The following MTUS2 variants were observed in gnomAD, a reference collection of about 807,000 sequenced individuals.
MTUS2 encodes microtubule-associated tumor suppressor candidate 2.
A neutral mutation model predicts 114.1 loss-of-function variants in MTUS2; 40 were observed. The observed-to-expected ratio is 0.35, with a 90% confidence interval of 0.27 to 0.46. MTUS2 has a LOEUF of 0.46. Ranked by LOEUF, MTUS2 falls within the 20% of genes least tolerant of loss-of-function variation. The probability of loss-of-function intolerance (pLI) is 1.00; values close to 1 mark genes in which losing one functional copy is unlikely to be tolerated. For missense variants in MTUS2, 1,679 were observed against 1,705.4 expected (o/e 0.98, Z 0.27); for synonymous variants, 688 against 672.0 (o/e 1.02, Z -0.37).
chr13:29,135,287 C>T (rs544732401), intron 5 of MTUS2, among the ~76,000 whole-genome samples: 261 of 152,266 alleles, frequency 1.7e-3, no homozygotes, highest in African/African-American at 6.0e-3. Context: ...CTATAATGTC[C>T]TTCTTTGTCT....
At chr13:29,388,419 C>T (rs1872780492) in intron 8 of MTUS2, among the ~76,000 whole-genome samples, 1 of 151,064 alleles carries the variant, frequency 6.6e-6, no homozygotes, top group Non-Finnish European at 1.5e-5. Context: ...AAAGTAGCAT[C>T]TAGTTGCCCT....
rs1215532607 is a variant in MTUS2, at chr13:28,885,392, T to C, written c.-243+45542T>C. ...GATTGTCAACATTTATGGAAACCTG[T>C]TCTGCAACTACTGTTGTACTTTTAT... On this transcript the variant is annotated intron_variant, in intron 2 of 15. Coordinates refer to ENST00000612955, the MANE Select transcript of MTUS2 (RefSeq NM_001033602.4). Among the ~76,000 whole-genome samples the C allele has an allele frequency of 2.6e-5, 4 of 152,298 alleles. No individual in the cohort carries two copies. In the South Asian group the frequency reaches 8.3e-4, roughly 32 times the overall value.
chr13:29,157,133 C>T lies in MTUS2; in HGVS notation c.2644+56163C>T, dbSNP rs555564501. ...CATTCTCTGCCATGCTCGTGGGTAT[C>T]TCGGTTTGTTTCCAATGTGGAACTA... On this transcript the variant is annotated intron_variant, in intron 5 of 15. Transcript: ENST00000612955. 5.9e-4 allele frequency among the ~76,000 whole-genome samples: 90 copies of T among 152,298 alleles called. 1 individual carries two copies. The South Asian group carries it at 6.4e-3, about 11-fold the overall frequency.
chr13:28,971,281 G>GC (rs1253172536), intron 2 of MTUS2, among the ~76,000 whole-genome samples: 4 of 152,158 alleles, frequency 2.6e-5, no homozygotes, highest in Non-Finnish European at 5.9e-5. Flanking sequence ...GTGACTTAAA[G>GC]CCAGCTATAT....
At chr13:28,930,843 C>T (rs759101821) in intron 2 of MTUS2, among the ~76,000 whole-genome samples, 14 of 152,096 alleles carry the variant, frequency 9.2e-5, no homozygotes, top group Admixed American at 5.9e-4. Flanking sequence ...AGAGCTGTTA[C>T]GTATAGGATT....
Position 29,498,423 on chromosome 13 carries a change from A to G in MTUS2, c.3684A>G (p.Ala1228=). Residue 1228 remains alanine, a synonymous_variant, in exon 14 of 16, where the codon GCA becomes GCG. Coordinates refer to ENST00000612955, the MANE Select transcript of MTUS2 (RefSeq NM_001033602.4). The part of the protein sequence containing the change: ...RKNTEEQLEI[A]LAPYQHLEED... ...ATGGCTCTCTGCCTCTGTAGATTGC[A>G]TTGGCTCCTTATCAGCACTTGGAAG... 6.2e-7 allele frequency: 1 copy of G among 1,614,116 alleles called. No homozygotes were observed. The highest frequency in any genetic ancestry group is 8.5e-7 in the Non-Finnish European group (1 of 1,179,996).
intron 5 of MTUS2, among the ~76,000 whole-genome samples, chr13:29,202,411 T>A (rs908042424): frequency 5.3e-5 from 8 of 152,202 alleles, no homozygotes; most frequent in African/African-American, 1.9e-4. Context: ...TCCTCTCACC[T>A]TTTTTCAAGG....
rs550441073 is a variant in MTUS2, at chr13:29,292,263, C to T, written c.2806+10398C>T. The stretch of plus-strand genomic sequence containing the variant: ...TGATGGCTGAGCTCTTGCATGTCAA[C>T]GTCACCTGCTCAATTACCGTCACCC... On this transcript the variant is annotated intron_variant, in intron 6 of 15. Coordinates refer to ENST00000612955, the MANE Select transcript of MTUS2 (RefSeq NM_001033602.4). Among the ~76,000 whole-genome samples, 94 of 152,322 alleles carry T rather than the reference C, an allele frequency of 6.2e-4. 3 individuals are homozygous for T. In the South Asian group the frequency reaches 0.018, roughly 30 times the overall value.
chr13:29,350,979 A>G (rs1003171672), intron 7 of MTUS2, among the ~76,000 whole-genome samples: 1 of 110,928 alleles, frequency 9.0e-6, no homozygotes, highest in Non-Finnish European at 2.1e-5. Flanking sequence ...ATATATATAT[A>G]TATATCTTCA....
At chr13:28,977,484 C>A (rs1461687388) in intron 2 of MTUS2, among the ~76,000 whole-genome samples, 2 of 152,186 alleles carry the variant, frequency 1.3e-5, no homozygotes, top group South Asian at 2.1e-4. Context: ...CAATTCCCAA[C>A]AACTTCCTCC....
intron 5 of MTUS2, among the ~76,000 whole-genome samples, chr13:29,155,169 T>C (rs1175173434): frequency 6.6e-6 from 1 of 152,184 alleles, no homozygotes; most frequent in African/African-American, 2.4e-5. Flanking sequence ...TTTGAAAGGT[T>C]TACCTGTATT....
intron 5 of MTUS2, among the ~76,000 whole-genome samples, chr13:29,116,520 G>A (rs374033289): frequency 5.9e-5 from 9 of 152,124 alleles, no homozygotes; most frequent in African/African-American, 1.2e-4. Context: ...TACATATACC[G>A]TGTTTTTTCC....
intron 8 of MTUS2, among the ~76,000 whole-genome samples, chr13:29,430,075 A>G (rs1446610359): frequency 2.6e-5 from 4 of 152,236 alleles, no homozygotes; most frequent in South Asian, 2.1e-4. Context: ...AATATAAAGC[A>G]TTTGCGCTCA....
intron 5 of MTUS2, among the ~76,000 whole-genome samples, chr13:29,200,603 C>T (rs531504230): frequency 6.9e-6 from 1 of 145,704 alleles, no homozygotes; most frequent in South Asian, 2.2e-4. Context: ...TCACTGCACC[C>T]TCCATTTCCT....
intron 8 of MTUS2, among the ~76,000 whole-genome samples, chr13:29,373,940 A>G (rs1193075350): frequency 6.6e-6 from 1 of 152,240 alleles, no homozygotes; most frequent in Non-Finnish European, 1.5e-5. Flanking sequence ...AAAAAATGTT[A>G]AAAGTAGCTA....
intron 7 of MTUS2, among the ~76,000 whole-genome samples, chr13:29,327,254 A>G (rs1006118591): frequency 2.0e-4 from 30 of 152,220 alleles, no homozygotes; most frequent in African/African-American, 7.2e-4. Flanking sequence ...AACAAATACT[A>G]AACTACCCTA....
At chr13:29,094,024 T>A (rs891876691) in intron 4 of MTUS2, among the ~76,000 whole-genome samples, 3 of 152,186 alleles carry the variant, frequency 2.0e-5, no homozygotes, top group African/African-American at 7.2e-5. Flanking sequence ...TAATTATGTA[T>A]GTAAAACCGA....
At chr13:29,316,175 G>T (rs11618964) in intron 6 of MTUS2, among the ~76,000 whole-genome samples, 2 of 152,150 alleles carry the variant, frequency 1.3e-5, no homozygotes, top group East Asian at 1.9e-4. Context: ...CTTTACACAC[G>T]TGTGGGGCCT....
intron 8 of MTUS2, among the ~76,000 whole-genome samples, chr13:29,412,667 A>G (rs1305607521): frequency 1.3e-5 from 2 of 152,078 alleles, no homozygotes. Flanking sequence ...AGACAGGGGG[A>G]TTGCTTGAGC....
Sources: gnomAD v4.1 joint callset for allele counts (sites outside exome capture counted in the v4.1 genomes callset) on GRCh38, gnomAD v4.1.1 for gene constraint, MANE v1.5 for transcripts, NCBI Gene and HGNC (gene_info 2026-07-23, HGNC 2026-07-21) for gene names.